GARIN1B: variants seen among roughly 807,000 people sequenced by gnomAD.
GARIN1B encodes Golgi-associated RAB2 interactor protein 1B.
At chr7:128,724,217 G>A in the GARIN1B span, among the ~76,000 whole-genome samples, 1 of 152,060 alleles carries the variant, frequency 6.6e-6, no homozygotes, top group Non-Finnish European at 1.5e-5. Context: ...CACCATGCTG[G>A]CCAGGCTGGT....
the GARIN1B span, among the ~76,000 whole-genome samples, chr7:128,721,377 T>C: frequency 6.6e-6 from 1 of 152,230 alleles, no homozygotes; most frequent in Admixed American, 6.5e-5. Context: ...TGACCAGAAC[T>C]GTGTTTGTGT....
At chr7:128,713,952 A>G in the GARIN1B span, 1 of 1,522,454 alleles carries the variant, frequency 6.6e-7, no homozygotes, top group Admixed American at 2.0e-5. Context: ...AAACCAAAGG[A>G]TGTGGTCTCT....
the GARIN1B span, among the ~76,000 whole-genome samples, chr7:128,711,281 C>A: frequency 1.3e-5 from 2 of 151,994 alleles, no homozygotes; most frequent in East Asian, 3.9e-4. Flanking sequence ...TTAGATAGAG[C>A]TTCTATTTCA....
chr7:128,724,863 A>G, the GARIN1B span: 2 of 1,288,942 alleles, frequency 1.6e-6, no homozygotes, highest in East Asian at 1.1e-4. Context: ...TGGAGGAGGC[A>G]AGCGCTTATA....
At chr7:128,719,697 C>CTTTTTTT in the GARIN1B span, among the ~76,000 whole-genome samples, 12 of 99,020 alleles carry the variant, frequency 1.2e-4, no homozygotes, top group African/African-American at 2.8e-4. Context: ...TTTTGTTTTG[C>CTTTTTTT]TTTTTTTTTT....
At chr7:128,716,914 A>C in the GARIN1B span, 1 of 1,613,804 alleles carries the variant, frequency 6.2e-7, no homozygotes, top group Non-Finnish European at 8.5e-7. Context: ...CCAACATCCT[A>C]CTCATGGCCA....
the GARIN1B span, among the ~76,000 whole-genome samples, chr7:128,720,990 C>T: frequency 6.7e-6 from 1 of 148,342 alleles, no homozygotes; most frequent in African/African-American, 2.5e-5. Flanking sequence ...TGTTAATTTC[C>T]ACAAAAAAAA....
the GARIN1B span, among the ~76,000 whole-genome samples, chr7:128,711,694 C>T: frequency 6.8e-6 from 1 of 148,028 alleles, no homozygotes; most frequent in African/African-American, 2.5e-5. Context: ...CACACACACA[C>T]ACACTTACAG....
chr7:128,731,258 C>T, the GARIN1B span: 1 of 829,860 alleles, frequency 1.2e-6, no homozygotes, highest in East Asian at 2.5e-5. Flanking sequence ...GACAGCAGAG[C>T]CTTTCCAGCT....
At chr7:128,726,844 A>C in the GARIN1B span, 1 of 1,614,118 alleles carries the variant, frequency 6.2e-7, no homozygotes, top group South Asian at 1.1e-5. Context: ...GAGCAGCAGA[A>C]AGGTGGAGAC....
the GARIN1B span, chr7:128,709,232 T>G: frequency 6.6e-6 from 1 of 152,194 alleles, no homozygotes. Context: ...AAATTCTATT[T>G]TAAGTCACAA....
chr7:128,718,436 A>G, the GARIN1B span, among the ~76,000 whole-genome samples: 1 of 84,076 alleles, frequency 1.2e-5, no homozygotes, highest in South Asian at 3.7e-4. Context: ...TTGCCTCAGA[A>G]AAAAAAAAAA....
the GARIN1B span, among the ~76,000 whole-genome samples, chr7:128,713,690 C>G: frequency 6.6e-6 from 1 of 152,144 alleles, no homozygotes; most frequent in Non-Finnish European, 1.5e-5. Flanking sequence ...GACTGGGCAC[C>G]CAAGCCTTCT....
chr7:128,719,432 A>C, the GARIN1B span, among the ~76,000 whole-genome samples: 3 of 151,904 alleles, frequency 2.0e-5, no homozygotes, highest in African/African-American at 7.3e-5. Context: ...GTTTCAGAAC[A>C]TTTCCATTAC....
At chr7:128,719,892 G>A in the GARIN1B span, among the ~76,000 whole-genome samples, 2 of 151,768 alleles carry the variant, frequency 1.3e-5, no homozygotes, top group South Asian at 4.2e-4. Context: ...TAGAGATGGG[G>A]TTTCACCATG....
the GARIN1B span, among the ~76,000 whole-genome samples, chr7:128,728,198 C>CT: frequency 2.0e-5 from 3 of 152,196 alleles, no homozygotes. Context: ...AATCCCAGCA[C>CT]TTTGGGAGGC....
the GARIN1B span, among the ~76,000 whole-genome samples, chr7:128,723,831 T>G: frequency 6.6e-6 from 1 of 151,888 alleles, no homozygotes; most frequent in Non-Finnish European, 1.5e-5. Context: ...TCTTTATCCT[T>G]GACTCAGGAC....
chr7:128,717,745 C>T, the GARIN1B span, among the ~76,000 whole-genome samples: 4 of 130,678 alleles, frequency 3.1e-5, no homozygotes, highest in East Asian at 2.3e-4. Flanking sequence ...CTGTGCCCGG[C>T]CAGGTTTTTT....
At chr7:128,716,853 C>T in the GARIN1B span, 1 of 1,613,532 alleles carries the variant, frequency 6.2e-7, no homozygotes, top group Non-Finnish European at 8.5e-7. Context: ...TACAAAGCTT[C>T]CAACACCATG....
Sources: allele counts gnomAD v4.1 joint callset (sites outside exome capture counted in the v4.1 genomes callset), GRCh38; gene constraint gnomAD v4.1.1; transcripts MANE v1.5; gene names NCBI Gene and HGNC (gene_info 2026-07-23, HGNC 2026-07-21).